CHD8: variants seen among roughly 807,000 people sequenced by gnomAD.
CHD8 encodes the protein chromodomain helicase DNA binding protein 8.
In CHD8, 31 loss-of-function variants were observed where a neutral mutation model predicts 279.2. The ratio of observed to expected loss-of-function variants is 0.11; its 90% CI spans 0.08 to 0.15. The LOEUF is 0.15. Ranked by LOEUF, CHD8 falls within the 10% of genes least tolerant of loss-of-function variation. CHD8 has a pLI of 1.00. For missense variants in CHD8, 2,146 were observed against 3,230.5 expected (o/e 0.66, Z 8.14); for synonymous variants, 1,081 against 1,139.6 (o/e 0.95, Z 1.04).
At chr14:21,412,346 A>G (rs1363764542) in intron 10 of CHD8, among the ~76,000 whole-genome samples, 2 of 151,956 alleles carry the variant, frequency 1.3e-5, no homozygotes, top group Non-Finnish European at 2.9e-5. Flanking sequence ...GGGTTTCACT[A>G]TGTTGGCCAA....
Position 21,405,597 on chromosome 14 carries a change from T to C in CHD8, c.3051+124A>G. ...ATACTTTGGATGATGCCACAAATGATGTAGGCACAAGGTTATAAGGAGTTC... is the reference window on the plus strand; with the variant it reads ...ATACTTTGGATGATGCCACAAATGACGTAGGCACAAGGTTATAAGGAGTTC... On this transcript the variant is annotated intron_variant, in intron 15 of 37. Transcript: ENST00000646647. The surrounding 1 kb of genome is among the most constrained non-coding windows in gnomAD (Gnocchi z 4.2). The C allele has an allele frequency of 6.9e-7, 1 of 1,459,056 alleles. No individual in the cohort carries two copies. The highest frequency in any genetic ancestry group is 9.3e-7 in the Non-Finnish European group (1 of 1,074,852). The allele number at this position is 1,459,056 out of a possible 1,614,324, so 90.4% of individuals were successfully genotyped here.
In CHD8 at chr14:21,390,971, T is replaced by G. The variant is rs750199719; in HGVS notation, c.7158A>C (p.Thr2386=). 28 of 1,598,712 alleles carry G rather than the reference T, an allele frequency of 1.8e-5. 1 individual carries two copies. In the South Asian group the frequency reaches 2.0e-4, roughly 12 times the overall value. Residue 2386 remains threonine, a synonymous_variant, in exon 37 of 38, where the codon ACA becomes ACC. Transcript: ENST00000646647. ...CCTTTTTCCCATTTCTAGAGTTAGC[T>G]GTCTGTACTGGTTCCATTCCCAAAC... ...LNCLGMEPVQ[T]ANSRNGKKGH...
Position 21,414,999 on chromosome 14 carries a change from A to T in CHD8, c.1969-6T>A. ...GTATATTGTCCAGAAGGGAGCTAAG[A>T]AAAAAGAAATAAATTAGTCACTAGT... On this transcript the variant is annotated splice_region_variant and splice_polypyrimidine_tract_variant and intron_variant, in intron 7 of 37. Coordinates refer to ENST00000646647, the MANE Select transcript of CHD8 (RefSeq NM_001170629.2). The T allele has an allele frequency of 2.5e-6, 4 of 1,577,794 alleles. No individual in the cohort carries two copies. The South Asian group carries it at 4.6e-5, about 18-fold the overall frequency.
chr14:21,427,120 A>C (rs1889353228), intron 4 of CHD8: 2 of 152,574 alleles, frequency 1.3e-5, no homozygotes. Flanking sequence ...CAAATCCTAT[A>C]AGCATTAGGA....
rs754553508 is a variant in CHD8, at chr14:21,400,521, C to T, written c.4462G>A (p.Val1488Met). The change falls in exon 23 of 38, where the codon GTG becomes ATG. Residue 1488 changes from valine (V) to methionine (M), a missense_variant. Val to Met is a conservative substitution (Grantham distance 21). Transcript: ENST00000646647. The surrounding 1 kb of genome is among the most constrained non-coding windows in gnomAD (Gnocchi z 4.2). ...CCACGGTAGTGTAGAAGACAGTACACGAGAATGGCCCGACAAATGGTCTCC... is the reference window on the plus strand; with the variant it reads ...CCACGGTAGTGTAGAAGACAGTACATGAGAATGGCCCGACAAATGGTCTCC... The part of the protein sequence containing the change: ...DVETICRAIL[V>M]YCLLHYRGDE... The T allele has an allele frequency of 2.5e-6, 4 of 1,613,452 alleles. No homozygotes were observed. The highest frequency in any genetic ancestry group is 3.4e-6 in the Non-Finnish European group (4 of 1,179,754).
intron 1 of CHD8, among the ~76,000 whole-genome samples, chr14:21,444,685 A>G (rs1594392820): frequency 1.3e-5 from 2 of 152,200 alleles, no homozygotes; most frequent in East Asian, 3.9e-4. Flanking sequence ...TTTTCCTTCA[A>G]TCTATTTAAC....
rs747368212 is a variant in CHD8, at chr14:21,392,644, G to C, written c.6634C>G (p.Pro2212Ala). The C allele has an allele frequency of 1.2e-6, 2 of 1,613,984 alleles. No homozygotes were observed. The highest frequency in any genetic ancestry group is 2.2e-5 in the East Asian group (1 of 44,880). ...SLTPGEYGDS[P>A]VPTPRSSSAA... ...CTACTACTTCGTGGTGTGGGGACTGGAGAGTCACCATATTCTCCAGGAGTC... is the reference window on the plus strand; with the variant it reads ...CTACTACTTCGTGGTGTGGGGACTGCAGAGTCACCATATTCTCCAGGAGTC... Residue 2212 changes from proline to alanine, a missense_variant, in exon 34 of 38, where the codon CCA becomes GCA. This residue lies in a region of CHD8 where 513 missense variants were observed against 637.6 expected (regional missense o/e 0.80). Coordinates refer to ENST00000646647, the MANE Select transcript of CHD8 (RefSeq NM_001170629.2).
Position 21,386,045 on chromosome 14 carries a change from A to C in CHD8, c.7314T>G (p.Thr2438=). The change falls in exon 38 of 38, where the codon ACT becomes ACG. Residue 2438 remains threonine (T), a synonymous_variant. Coordinates refer to ENST00000646647, the MANE Select transcript of CHD8 (RefSeq NM_001170629.2). The part of the protein sequence containing the change: ...KMMALMQGGS[T]GSLSLHNTFQ... ...ACGTGTTATGCAGAGATAGAGACCCAGTGCTTCCACCCTGCATGAGGGCCA... is the reference window on the plus strand; with the variant it reads ...ACGTGTTATGCAGAGATAGAGACCCCGTGCTTCCACCCTGCATGAGGGCCA... 6.3e-7 allele frequency: 1 copy of C among 1,595,014 alleles called. No homozygotes were observed. Among genetic ancestry groups the C allele is most frequent in the South Asian group, 1.1e-5 (1 of 87,372 alleles).
In CHD8 at chr14:21,394,457, A is replaced by C; in HGVS notation, c.5419T>G (p.Tyr1807Asp). 1 of 1,607,926 alleles carries C rather than the reference A, an allele frequency of 6.2e-7. No individual in the cohort carries two copies. The highest frequency in any genetic ancestry group is 1.3e-5 in the African/African-American group (1 of 74,970). The change falls in exon 31 of 38, where the codon TAT becomes GAT. Residue 1807 changes from tyrosine (Y) to aspartate (D), a missense_variant. This residue lies in a region of CHD8 where 513 missense variants were observed against 637.6 expected (regional missense o/e 0.80). Coordinates refer to ENST00000646647, the MANE Select transcript of CHD8 (RefSeq NM_001170629.2). ...RWTRREQTDF[Y>D]RVVSTFGVEY... Reference sequence around the variant, plus strand: ...ACACCAAACGTAGACACCACTCGATAAAAATCAGTTTGTTCACGCCTTGTC... The same window carrying C: ...ACACCAAACGTAGACACCACTCGATCAAAATCAGTTTGTTCACGCCTTGTC...
At chr14:21,415,486 C>T (rs779542356) in intron 7 of CHD8, 88 bp downstream of exon 7, 30 of 759,552 alleles carry the variant, frequency 3.9e-5, no homozygotes, top group Admixed American at 8.7e-5. Context: ...GCCTGGGTAA[C>T]ACAGTTAGAC....
intron 9 of CHD8, among the ~76,000 whole-genome samples, chr14:21,413,467 T>A (rs1337082052): frequency 6.6e-6 from 1 of 151,334 alleles, no homozygotes; most frequent in Non-Finnish European, 1.5e-5. Flanking sequence ...CGATCTTGGC[T>A]CACTGCAACC....
chr14:21,455,676 G>A (rs1890370892), intron 1 of CHD8, among the ~76,000 whole-genome samples: 1 of 152,114 alleles, frequency 6.6e-6, no homozygotes, highest in Admixed American at 6.5e-5. Context: ...GTAACCAAAC[G>A]GGGCCGAGGA....
chr14:21,432,357 C>A (rs968498957), intron 1 of CHD8, among the ~76,000 whole-genome samples: 1 of 151,932 alleles, frequency 6.6e-6, no homozygotes, highest in Admixed American at 6.6e-5. Flanking sequence ...GCTTATAGTA[C>A]AATCTCACCA....
At chr14:21,409,356 C>T (rs141647641) in intron 11 of CHD8, among the ~76,000 whole-genome samples, 240 of 152,140 alleles carry the variant, frequency 1.6e-3, no homozygotes, top group Middle Eastern at 0.01. Context: ...AAAATTATAA[C>T]GGAGGGAGAG....
At position 21,405,528 on chromosome 14, in the gene CHD8, TAGAAACATGGAAAA is replaced by T; in HGVS notation, c.3052-78_3052-65del. 4 of 1,555,246 alleles carry T rather than the reference TAGAAACATGGAAAA, an allele frequency of 2.6e-6. No homozygotes were observed. The South Asian group carries it at 4.9e-5, about 19-fold the overall frequency. ...TGAGGGCGAACATTCTCACATTATG[TAGAAACATGGAAAA>T]ATTAGAGTTTTCCACTATCTAAGAA... On this transcript the variant is annotated intron_variant, in intron 15 of 37. Transcript: ENST00000646647. This position sits in a 1 kb window ranked among gnomAD's most constrained non-coding sequence, Gnocchi z 4.2.
At chr14:21,390,485 A>G (rs1285920637) in intron 37 of CHD8, among the ~76,000 whole-genome samples, 2 of 152,186 alleles carry the variant, frequency 1.3e-5, no homozygotes, top group Non-Finnish European at 2.9e-5. Flanking sequence ...AATACTGATA[A>G]AAATACTCTG....
intron 36 of CHD8, 89 bp downstream of exon 36, chr14:21,391,374 T>C (rs1887529449): frequency 8.1e-7 from 1 of 1,235,154 alleles, no homozygotes. Flanking sequence ...ACAGAAACGA[T>C]GATACAGTAT....
chr14:21,436,397 T>G (rs1889780757), intron 1 of CHD8, among the ~76,000 whole-genome samples: 2 of 152,238 alleles, frequency 1.3e-5, no homozygotes, highest in South Asian at 4.1e-4. Context: ...ATTTTAAAAC[T>G]GTACCATGAA....
At chr14:21,450,357 T>A (rs1890227859) in intron 1 of CHD8, among the ~76,000 whole-genome samples, 1 of 152,180 alleles carries the variant, frequency 6.6e-6, no homozygotes, top group Admixed American at 6.5e-5. Flanking sequence ...TACTTCTGAA[T>A]AACCATATCC....
Sources: allele counts gnomAD v4.1 joint callset (sites outside exome capture counted in the v4.1 genomes callset), GRCh38; gene constraint gnomAD v4.1.1; regional missense constraint gnomAD v4.1.1; non-coding constraint Gnocchi (gnomAD v3.1); transcripts MANE v1.5; gene names NCBI Gene and HGNC (gene_info 2026-07-23, HGNC 2026-07-21).